The following CADM2 variants were observed in gnomAD, a reference collection of about 807,000 sequenced individuals.
CADM2 encodes the protein immunoglobulin superfamily member 4D.
A neutral mutation model predicts 49.8 loss-of-function variants in CADM2; 12 were observed. That is an observed-to-expected ratio of 0.24 (90% CI 0.15 to 0.39). The LOEUF (loss-of-function observed/expected upper bound fraction) is 0.39, where lower values mean the gene tolerates loss of function less well. Among genes scored for constraint, CADM2 ranks in the 10% least tolerant of loss-of-function variants. The pLI is 1.00. For synonymous variants in CADM2, 214 were observed against 175.4 expected (o/e 1.22, Z -1.74); for missense variants, 378 against 492.3 (o/e 0.77, Z 2.20).
intron 3 of CADM2, among the ~76,000 whole-genome samples, chr3:85,873,960 T>C (rs1711502298): frequency 6.6e-6 from 1 of 152,068 alleles, no homozygotes; most frequent in Non-Finnish European, 1.5e-5. Flanking sequence ...AAACTTTCCG[T>C]AGCAAAAATA....
At chr3:86,062,845 CT>C (rs1205617070) in intron 8 of CADM2, among the ~76,000 whole-genome samples, 1 of 151,008 alleles carries the variant, frequency 6.6e-6, no homozygotes, top group African/African-American at 2.4e-5. Flanking sequence ...TGACCAATAG[CT>C]TTACTTACTC....
intron 8 of CADM2, among the ~76,000 whole-genome samples, chr3:86,061,890 T>C (rs2107401615): frequency 6.6e-6 from 1 of 152,214 alleles, no homozygotes; most frequent in Admixed American, 6.5e-5. Flanking sequence ...TAAATTTAGA[T>C]GTTACTTTTC....
At chr3:85,779,638 C>T (rs1386469118) in intron 2 of CADM2, among the ~76,000 whole-genome samples, 1 of 152,122 alleles carries the variant, frequency 6.6e-6, no homozygotes, top group African/African-American at 2.4e-5. Flanking sequence ...ATTAAACTAC[C>T]TCCCACCAGG....
intron 5 of CADM2, among the ~76,000 whole-genome samples, chr3:85,887,836 G>C (rs554699580): frequency 6.6e-4 from 100 of 152,266 alleles, no homozygotes; most frequent in African/African-American, 2.4e-3. Flanking sequence ...ATGTTCCATA[G>C]TGCTTCCAGA....
chr3:85,711,442 A>G (rs1276350279), intron 1 of CADM2, among the ~76,000 whole-genome samples: 1 of 152,088 alleles, frequency 6.6e-6, no homozygotes, highest in Admixed American at 6.5e-5. Flanking sequence ...TTAAAAAAAT[A>G]AAACATTAAG....
At chr3:85,802,755 A>G (rs1411423218) in intron 3 of CADM2, among the ~76,000 whole-genome samples, 4 of 152,100 alleles carry the variant, frequency 2.6e-5, no homozygotes, top group Non-Finnish European at 5.9e-5. Context: ...TCAACTTCTT[A>G]CTGGATAATA....
At chr3:85,210,416 A>T (rs970163949) in intron 1 of CADM2, among the ~76,000 whole-genome samples, 2 of 151,922 alleles carry the variant, frequency 1.3e-5, no homozygotes, top group Non-Finnish European at 2.9e-5. Flanking sequence ...TTCGTCAGGG[A>T]TACTGGCCTG....
chr3:85,578,097 C>A (rs2062695830), intron 1 of CADM2, among the ~76,000 whole-genome samples: 1 of 149,014 alleles, frequency 6.7e-6, no homozygotes, highest in Non-Finnish European at 1.5e-5. Flanking sequence ...TTTTTTGAGG[C>A]AGAGTTTCAC....
At chr3:85,170,727 A>T (rs2040603001) in intron 1 of CADM2, among the ~76,000 whole-genome samples, 1 of 152,212 alleles carries the variant, frequency 6.6e-6, no homozygotes, top group African/African-American at 2.4e-5. Flanking sequence ...ATGTTGGACA[A>T]AGCTGACCCA....
chr3:85,207,091 C>A (rs1461197707), intron 1 of CADM2, among the ~76,000 whole-genome samples: 2 of 134,668 alleles, frequency 1.5e-5, no homozygotes, highest in African/African-American at 2.8e-5. Flanking sequence ...TGTGTGTATG[C>A]ATACACATGA....
chr3:85,902,139 A>G (rs1226752933), intron 5 of CADM2, among the ~76,000 whole-genome samples: 2 of 152,218 alleles, frequency 1.3e-5, no homozygotes, highest in African/African-American at 2.4e-5. Context: ...TCTCTTGAGT[A>G]TATTCCTGAG....
intron 1 of CADM2, among the ~76,000 whole-genome samples, chr3:85,344,366 T>A (rs889825016): frequency 1.4e-5 from 2 of 146,790 alleles, no homozygotes; most frequent in African/African-American, 5.0e-5. Context: ...AGCGACAGAG[T>A]GAGACACCAT....
intron 1 of CADM2, among the ~76,000 whole-genome samples, chr3:85,240,012 T>A (rs915537524): frequency 6.6e-5 from 10 of 151,478 alleles, no homozygotes; most frequent in African/African-American, 1.9e-4. Flanking sequence ...ATGAATGAGA[T>A]TTCTGACATA....
chr3:85,078,262 G>C (rs536328540), intron 1 of CADM2, among the ~76,000 whole-genome samples: 6 of 151,990 alleles, frequency 3.9e-5, no homozygotes, highest in African/African-American at 1.4e-4. Context: ...CATATCTGGT[G>C]ATCAACCAGT....
At chr3:85,911,073 A>G (rs1305029459) in intron 5 of CADM2, among the ~76,000 whole-genome samples, 5 of 152,100 alleles carry the variant, frequency 3.3e-5, no homozygotes, top group Non-Finnish European at 7.4e-5. Flanking sequence ...ATAAGTTAAA[A>G]TCAAATTATG....
chr3:85,155,929 G>A (rs958744598), intron 1 of CADM2, among the ~76,000 whole-genome samples: 55 of 152,070 alleles, frequency 3.6e-4, no homozygotes, highest in Admixed American at 3.2e-3. Flanking sequence ...TCTCTGGGAC[G>A]CATTCAAAGC....
chr3:85,879,737 G>C (rs544677578), intron 3 of CADM2, among the ~76,000 whole-genome samples: 2 of 152,204 alleles, frequency 1.3e-5, no homozygotes, highest in East Asian at 3.9e-4. Flanking sequence ...TTTCACCCAA[G>C]GAACAGCTGT....
chr3:85,850,501 T>A (rs1375279786), intron 3 of CADM2, among the ~76,000 whole-genome samples: 1 of 150,132 alleles, frequency 6.7e-6, no homozygotes, highest in Non-Finnish European at 1.5e-5. Flanking sequence ...ATTTTTTGTA[T>A]TTTTTTTTAG....
chr3:85,258,000 A>G (rs1559746317), intron 1 of CADM2, among the ~76,000 whole-genome samples: 1 of 152,094 alleles, frequency 6.6e-6, no homozygotes, highest in Non-Finnish European at 1.5e-5. Flanking sequence ...AAATATACTT[A>G]TTTCACAGGT....
Sources: gnomAD v4.1 joint callset for allele counts (sites outside exome capture counted in the v4.1 genomes callset) on GRCh38, gnomAD v4.1.1 for gene constraint, MANE v1.5 for transcripts, NCBI Gene and HGNC (gene_info 2026-07-23, HGNC 2026-07-21) for gene names.